The following PTPRA variants were observed in gnomAD, a reference collection of about 807,000 sequenced individuals.
The protein encoded by PTPRA is receptor-type tyrosine-protein phosphatase alpha.
Under a neutral mutation model 104.8 loss-of-function variants are expected in PTPRA, and 25 were observed. The ratio of observed to expected loss-of-function variants is 0.24; its 90% CI spans 0.17 to 0.33. The LOEUF is 0.33. Among genes scored for constraint, PTPRA ranks in the 10% least tolerant of loss-of-function variants. PTPRA has a pLI of 1.00. For synonymous variants in PTPRA, 323 were observed against 368.9 expected (o/e 0.88, Z 1.43); for missense variants, 765 against 1,015.3 (o/e 0.75, Z 3.35).
In PTPRA at chr20:2,879,754, A is replaced by G. The variant is rs567933761; in HGVS notation, c.-129+5994A>G. ...GATATGTTTAAATACACAAATACTC[A>G]CTGTGTTAGTTACTTACAGTATTCA... On this transcript the variant is annotated intron_variant, in intron 1 of 23. Transcript: ENST00000399903. Among the ~76,000 whole-genome samples the G allele has an allele frequency of 3.3e-5, 5 of 152,170 alleles. No individual in the cohort carries two copies. In the South Asian group the frequency reaches 1.0e-3, roughly 32 times the overall value.
chr20:2,950,279 C>T lies in PTPRA; in HGVS notation c.-7+2255C>T, dbSNP rs2061308854. ...GTTCATTTTTCTTAGTTTTATTTGC[C>T]TATAATTGTGGATAATCTGTTTTTT... On this transcript the variant is annotated intron_variant, in intron 3 of 23. Transcript: ENST00000399903. This position sits in a 1 kb window ranked among gnomAD's most constrained non-coding sequence, Gnocchi z 4.0. Among the ~76,000 whole-genome samples, 1 of 152,060 alleles carries T rather than the reference C, an allele frequency of 6.6e-6. No homozygotes were observed. The highest frequency in any genetic ancestry group is 1.9e-4 in the East Asian group (1 of 5,180).
intron 1 of PTPRA, among the ~76,000 whole-genome samples, chr20:2,904,662 G>A (rs562422463): frequency 3.6e-5 from 4 of 111,652 alleles, no homozygotes; most frequent in South Asian, 3.3e-4. Context: ...GCAAGACTCC[G>A]TCTCAAAAAA....
chr20:2,978,041 A>G (rs1568679232), intron 6 of PTPRA, among the ~76,000 whole-genome samples: 1 of 152,116 alleles, frequency 6.6e-6, no homozygotes, highest in Non-Finnish European at 1.5e-5. Flanking sequence ...AGAGACATGA[A>G]AGAGTAAGTC....
At chr20:2,889,687 A>T (rs1243842807) in intron 1 of PTPRA, among the ~76,000 whole-genome samples, 1 of 152,184 alleles carries the variant, frequency 6.6e-6, no homozygotes, top group Non-Finnish European at 1.5e-5. Flanking sequence ...ATCATCTCAG[A>T]AAGCCATGGT....
chr20:2,940,220 T>C (rs2060858513), intron 2 of PTPRA, among the ~76,000 whole-genome samples: 2 of 152,252 alleles, frequency 1.3e-5, no homozygotes, highest in African/African-American at 4.8e-5. Flanking sequence ...TTATGAACTT[T>C]AGTTCCAGTA....
chr20:2,971,971 C>T (rs2147999922), intron 5 of PTPRA, among the ~76,000 whole-genome samples: 1 of 152,056 alleles, frequency 6.6e-6, no homozygotes, highest in South Asian at 2.1e-4. Flanking sequence ...GTAGCTGGGA[C>T]TACAGGCACG....
At chr20:3,036,120 T>C (rs140338703) in intron 22 of PTPRA, among the ~76,000 whole-genome samples, 179 bp downstream of exon 22, 1 of 152,282 alleles carries the variant, frequency 6.6e-6, no homozygotes, top group East Asian at 1.9e-4. Context: ...CCTTGGAGCT[T>C]GAACTTGGCA....
chr20:2,910,578 G>GTTTCTTTTTTT (rs1337126801), intron 1 of PTPRA, among the ~76,000 whole-genome samples: 5 of 32,420 alleles, frequency 1.5e-4, no homozygotes, highest in South Asian at 1.6e-3. Flanking sequence ...TGCCCAGCTA[G>GTTTCTTTTTTT]TTTTTTTTTT....
chr20:2,898,763 C>A (rs1284298311), intron 1 of PTPRA, among the ~76,000 whole-genome samples: 2 of 151,890 alleles, frequency 1.3e-5, no homozygotes, highest in Non-Finnish European at 2.9e-5. Context: ...GAGGCTGAGG[C>A]AGGAGAATTG....
In PTPRA at chr20:3,022,748, A is replaced by G. The variant is rs371710507; in HGVS notation, c.1388A>G (p.His463Arg). The part of the protein sequence containing the change: ...VVIDAMLDMM[H>R]TERKVDVYGF... ...ATTGATGCCATGCTGGACATGATGC[A>G]TACAGAACGGAAGGTGGACGTGTAT... Residue 463 changes from histidine to arginine, a missense_variant, in exon 16 of 24, where the codon CAT (histidine) becomes CGT (arginine). Physicochemically the swap from His to Arg is conservative, Grantham distance 29. Coordinates refer to ENST00000399903, the MANE Select transcript of PTPRA (RefSeq NM_001385305.1). The surrounding 1 kb of genome is among the most constrained non-coding windows in gnomAD (Gnocchi z 4.6). 24 of 1,614,068 alleles carry G rather than the reference A, an allele frequency of 1.5e-5. No individual in the cohort carries two copies. The highest frequency in any genetic ancestry group is 2.0e-5 in the Non-Finnish European group (24 of 1,180,050).
intron 7 of PTPRA, among the ~76,000 whole-genome samples, 185 bp downstream of exon 7, chr20:2,987,034 C>T (rs2062938868): frequency 6.6e-6 from 1 of 152,078 alleles, no homozygotes; most frequent in Admixed American, 6.5e-5. Context: ...CATAGTCTTC[C>T]TTAAGTCCTA....
At chr20:2,884,936 A>C (rs919536303) in intron 1 of PTPRA, among the ~76,000 whole-genome samples, 2 of 151,490 alleles carry the variant, frequency 1.3e-5, no homozygotes, top group African/African-American at 4.9e-5. Flanking sequence ...CAGCCTCCCG[A>C]GTAGCTGGGA....
chr20:2,940,361 G>A (rs753680748), intron 2 of PTPRA, among the ~76,000 whole-genome samples: 14 of 148,026 alleles, frequency 9.5e-5, no homozygotes, highest in East Asian at 2.0e-4. Flanking sequence ...TCGCTGTATC[G>A]CCTAGGCTGG....
intron 11 of PTPRA, 40 bp downstream of exon 11, chr20:3,007,460 C>A: frequency 6.4e-7 from 1 of 1,566,360 alleles, no homozygotes; most frequent in Non-Finnish European, 8.8e-7. Flanking sequence ...CCCTGCCTGA[C>A]CATTGCCACT....
In PTPRA at chr20:2,979,697, G is replaced by A. The variant is rs6051508; in HGVS notation, c.442+4456G>A. ...ATATGCCACCATGCCCAGCTAATCA[G>A]GTGTTTGTTTGTTTGTTTGGTAGAG... On this transcript the variant is annotated intron_variant, in intron 6 of 23. Coordinates refer to ENST00000399903, the MANE Select transcript of PTPRA (RefSeq NM_001385305.1). 7.2e-3 allele frequency among the ~76,000 whole-genome samples: 944 copies of A among 130,828 alleles called. 31 individuals carry two copies. In the East Asian group the frequency reaches 0.079, roughly 11 times the overall value. The allele number at this position is 130,828 out of a possible 152,430, so 85.8% of individuals were successfully genotyped here.
chr20:3,004,574 G>A (rs1010503286), intron 9 of PTPRA, among the ~76,000 whole-genome samples: 5 of 150,856 alleles, frequency 3.3e-5, no homozygotes, highest in Non-Finnish European at 5.9e-5. Context: ...TAGAGGCTGG[G>A]GTGCCATGCC....
At position 3,026,699 on chromosome 20, in the gene PTPRA, A is replaced by G. The variant is rs951915878; in HGVS notation, c.1627A>G (p.Ile543Val). The change falls in exon 18 of 24, where the codon ATC becomes GTC. Residue 543 changes from isoleucine (I) to valine (V), a missense_variant. Around this residue, in one of 4 missense-constraint regions of PTPRA, gnomAD observed 192 missense variants for 227.0 expected, o/e 0.85. Coordinates refer to ENST00000399903, the MANE Select transcript of PTPRA (RefSeq NM_001385305.1). ...CTTCCCAATTCAGAAGTTAACATCA[A>G]TCAAAATCCAGAATGACAAGATGCG... ...LEEEFKKLTS[I>V]KIQNDKMRTG... The G allele has an allele frequency of 6.8e-6, 11 of 1,611,054 alleles. 1 individual carries two copies. The highest frequency in any genetic ancestry group is 4.5e-5 in the East Asian group (2 of 44,868).
the PTPRA span, among the ~76,000 whole-genome samples, chr20:2,867,370 GAGA>G: frequency 6.6e-6 from 1 of 152,218 alleles, no homozygotes; most frequent in East Asian, 1.9e-4. Flanking sequence ...GGGCCAAATA[GAGA>G]AGGAGGATGG....
chr20:3,004,110 C>T (rs1321341172), intron 9 of PTPRA, among the ~76,000 whole-genome samples: 1 of 152,062 alleles, frequency 6.6e-6, no homozygotes, highest in African/African-American at 2.4e-5. Flanking sequence ...CTCCACCTCC[C>T]AGGTTCAAGC....
Sources: allele counts gnomAD v4.1 joint callset (sites outside exome capture counted in the v4.1 genomes callset), GRCh38; gene constraint gnomAD v4.1.1; regional missense constraint gnomAD v4.1.1; non-coding constraint Gnocchi (gnomAD v3.1); transcripts MANE v1.5; gene names NCBI Gene and HGNC (gene_info 2026-07-23, HGNC 2026-07-21).